RANBP17: variants seen among roughly 807,000 people sequenced by gnomAD.
The protein encoded by RANBP17 is ran-binding protein 17.
Under a neutral mutation model 141.2 loss-of-function variants are expected in RANBP17, and 158 were observed. The ratio of observed to expected loss-of-function variants is 1.12; its 90% CI spans 0.98 to 1.28. The LOEUF (loss-of-function observed/expected upper bound fraction) is 1.28, where lower values mean the gene tolerates loss of function less well. Among genes scored for constraint, RANBP17 ranks in the 50% most tolerant of loss-of-function variants. The probability of loss-of-function intolerance (pLI) is 0.00; values close to 1 mark genes in which losing one functional copy is unlikely to be tolerated. For synonymous variants in RANBP17, 430 were observed against 450.0 expected, an observed-to-expected ratio of 0.96 and a Z score of 0.56; for missense variants, 1,438 against 1,290.7, an observed-to-expected ratio of 1.11 and a Z score of -1.75.
chr5:171,225,972 T>C (rs1278534978), intron 22 of RANBP17, among the ~76,000 whole-genome samples: 2 of 152,218 alleles, frequency 1.3e-5, no homozygotes, highest in East Asian at 1.9e-4. Context: ...AACAATTTCC[T>C]GTTTGTACAG....
Position 170,994,231 on chromosome 5 carries a change from A to G in RANBP17, c.1710+25854A>G, listed in dbSNP as rs996738909. Among the ~76,000 whole-genome samples the G allele has an allele frequency of 3.9e-5, 6 of 152,094 alleles. No homozygotes were observed. The South Asian group carries it at 1.2e-3, about 32-fold the overall frequency. On this transcript the variant is annotated intron_variant, in intron 14 of 27. Coordinates refer to ENST00000523189, the MANE Select transcript of RANBP17 (RefSeq NM_022897.5). ...TCAAAGCTTTTCCTAGTCTTGTTTCACCTGTTTATCTAATCAAGTTCGGAT... is the reference window on the plus strand; with the variant it reads ...TCAAAGCTTTTCCTAGTCTTGTTTCGCCTGTTTATCTAATCAAGTTCGGAT...
intron 9 of RANBP17, 50 bp downstream of exon 9, chr5:170,916,634 G>C: frequency 2.4e-6 from 3 of 1,241,228 alleles, no homozygotes; most frequent in Non-Finnish European, 3.3e-6. Flanking sequence ...CAGTTTTTCA[G>C]CTAAAGGCAC....
intron 14 of RANBP17, among the ~76,000 whole-genome samples, chr5:171,119,862 A>T (rs1755894325): frequency 6.6e-6 from 1 of 151,984 alleles, no homozygotes; most frequent in African/African-American, 2.4e-5. Flanking sequence ...CAACATGGAG[A>T]AACCCCGTCT....
intron 16 of RANBP17, among the ~76,000 whole-genome samples, chr5:171,180,154 C>T (rs935206901): frequency 1.3e-5 from 2 of 152,148 alleles, no homozygotes; most frequent in Non-Finnish European, 2.9e-5. Flanking sequence ...GATGCTGGCT[C>T]GTTAATGAAT....
rs867546388 is a variant in RANBP17, at chr5:171,084,085, A to G, written c.1711-86045A>G. 6.1e-5 allele frequency among the ~76,000 whole-genome samples: 9 copies of G among 146,724 alleles called. No individual in the cohort carries two copies. In the Middle Eastern group the frequency reaches 0.01, roughly 170 times the overall value. On this transcript the variant is annotated intron_variant, in intron 14 of 27. Coordinates refer to ENST00000523189, the MANE Select transcript of RANBP17 (RefSeq NM_022897.5). ...ACTAACTCGTCATCTAGCATTAGGT[A>G]TATCTCCCAATGCTATCCCTCCCCC...
intron 22 of RANBP17, among the ~76,000 whole-genome samples, chr5:171,232,927 T>C (rs1465361599): frequency 6.6e-6 from 1 of 152,220 alleles, no homozygotes. Context: ...TCAATAACTT[T>C]GTACATTCAG....
At chr5:170,994,580 T>C (rs1189318003) in intron 14 of RANBP17, among the ~76,000 whole-genome samples, 2 of 152,098 alleles carry the variant, frequency 1.3e-5, no homozygotes, top group Non-Finnish European at 2.9e-5. Flanking sequence ...TGATTAAATA[T>C]GGACCAGATT....
intron 25 of RANBP17, among the ~76,000 whole-genome samples, chr5:171,277,904 T>G (rs1767621519): frequency 6.8e-6 from 1 of 146,840 alleles, no homozygotes. Flanking sequence ...AAGAACTGAA[T>G]TGAGTCTTCA....
intron 14 of RANBP17, among the ~76,000 whole-genome samples, chr5:171,087,266 G>A (rs1229235156): frequency 6.6e-6 from 1 of 152,160 alleles, no homozygotes. Flanking sequence ...CCATGTAGTT[G>A]TGCAGCTTTG....
At position 171,256,868 on chromosome 5, in the gene RANBP17, A is replaced by C. The variant is rs185861138; in HGVS notation, c.2777-8813A>C. Among the ~76,000 whole-genome samples the C allele has an allele frequency of 3.6e-3, 542 of 152,266 alleles. 4 individuals are homozygous for C. Among genetic ancestry groups the C allele is most frequent in the African/African-American group, 0.012 (514 of 41,572 alleles). ...TGAGATTGAACCAGGAAGAAATAGA[A>C]GTCCTGAACAGACCAATAACAACTA... On this transcript the variant is annotated intron_variant, in intron 24 of 27. Coordinates refer to ENST00000523189, the MANE Select transcript of RANBP17 (RefSeq NM_022897.5).
chr5:171,164,591 A>C (rs931578873), intron 14 of RANBP17, among the ~76,000 whole-genome samples: 1 of 152,198 alleles, frequency 6.6e-6, no homozygotes, highest in South Asian at 2.1e-4. Context: ...ATTTATAAGA[A>C]CCTTTGCAGT....
In RANBP17 at chr5:171,004,196, C is replaced by T. The variant is rs189214877; in HGVS notation, c.1710+35819C>T. Reference sequence around the variant, plus strand: ...AATGGGATAGTAATGGGCGTGTGATCGGTTGCCAGGGAGGGAGTGGAGATG... The same window carrying T: ...AATGGGATAGTAATGGGCGTGTGATTGGTTGCCAGGGAGGGAGTGGAGATG... On this transcript the variant is annotated intron_variant, in intron 14 of 27. Coordinates refer to ENST00000523189, the MANE Select transcript of RANBP17 (RefSeq NM_022897.5). Among the ~76,000 whole-genome samples the T allele has an allele frequency of 2.2e-3, 338 of 151,934 alleles. 2 individuals carry two copies. The highest frequency in any genetic ancestry group is 2.8e-3 in the Non-Finnish European group (193 of 67,962).
intron 22 of RANBP17, among the ~76,000 whole-genome samples, chr5:171,233,354 T>C (rs1335714919): frequency 6.6e-6 from 1 of 152,228 alleles, no homozygotes; most frequent in African/African-American, 2.4e-5. Flanking sequence ...CAGCTTCTTA[T>C]GAAACTAAAC....
At chr5:170,948,320 G>C (rs1449209423) in intron 12 of RANBP17, among the ~76,000 whole-genome samples, 2 of 152,088 alleles carry the variant, frequency 1.3e-5, no homozygotes, top group African/African-American at 4.8e-5. Flanking sequence ...GTATAAGAGA[G>C]AGTGAAAAAA....
intron 13 of RANBP17, among the ~76,000 whole-genome samples, chr5:170,964,678 G>A (rs537536235): frequency 6.6e-6 from 1 of 152,202 alleles, no homozygotes; most frequent in South Asian, 2.1e-4. Flanking sequence ...ATAGTTTACT[G>A]AGAATGATGA....
chr5:171,041,159 C>T (rs1581470828), intron 14 of RANBP17, among the ~76,000 whole-genome samples: 1 of 152,194 alleles, frequency 6.6e-6, no homozygotes, highest in Non-Finnish European at 1.5e-5. Flanking sequence ...GATATGGCAG[C>T]TAATTTCCCC....
chr5:171,147,703 C>T (rs1333359519), intron 14 of RANBP17, among the ~76,000 whole-genome samples: 3 of 152,052 alleles, frequency 2.0e-5, no homozygotes, highest in Admixed American at 6.6e-5. Context: ...CATGAGCCAC[C>T]GCACCTGGCC....
At chr5:170,899,843 G>C (rs1770473371) in intron 5 of RANBP17, among the ~76,000 whole-genome samples, 1 of 152,182 alleles carries the variant, frequency 6.6e-6, no homozygotes, top group Admixed American at 6.5e-5. Flanking sequence ...TGTTGAACCA[G>C]GTTTGCATCC....
At chr5:170,984,722 T>C (rs1778004823) in intron 14 of RANBP17, among the ~76,000 whole-genome samples, 1 of 152,168 alleles carries the variant, frequency 6.6e-6, no homozygotes, top group South Asian at 2.1e-4. Flanking sequence ...TTAAAACTCT[T>C]AGAATATTTC....
Sources: gnomAD v4.1 joint callset for allele counts (sites outside exome capture counted in the v4.1 genomes callset) on GRCh38, gnomAD v4.1.1 for gene constraint, MANE v1.5 for transcripts, NCBI Gene and HGNC (gene_info 2026-07-23, HGNC 2026-07-21) for gene names.